CCDC148: variants seen among roughly 807,000 people sequenced by gnomAD.
CCDC148 encodes coiled-coil domain containing 148.
In CCDC148, 89 loss-of-function variants were observed where a neutral mutation model predicts 85.7. The ratio of observed to expected loss-of-function variants is 1.04; its 90% CI spans 0.87 to 1.24. The LOEUF (loss-of-function observed/expected upper bound fraction) is 1.24. Among genes scored for constraint, CCDC148 ranks in the 50% most tolerant of loss-of-function variants. CCDC148 has a pLI of 0.00. For missense variants in CCDC148, 692 were observed against 671.7 expected (o/e 1.03, Z -0.33); for synonymous variants, 230 against 213.9 (o/e 1.08, Z -0.66).
chr2:158,374,206 A>ACTGG (rs1362135687), intron 1 of CCDC148, among the ~76,000 whole-genome samples: 7 of 152,096 alleles, frequency 4.6e-5, no homozygotes, highest in Non-Finnish European at 1.0e-4. Flanking sequence ...AAGTTTCAGC[A>ACTGG]CTGGCTCTAA....
rs1452180706 is a variant in CCDC148, at chr2:158,345,319, C to T, written c.148-1G>A. The T allele has an allele frequency of 2.5e-6, 4 of 1,607,768 alleles. No homozygotes were observed. ...TTGAAGTCAACATTGCTTTTCTGAT[C>T]TAGATTTAGAGGAACAAAAGAGGAG... On this transcript the variant is annotated splice_acceptor_variant, in intron 2 of 13. Coordinates refer to ENST00000283233, the MANE Select transcript of CCDC148 (RefSeq NM_138803.4). LOFTEE classifies it high-confidence loss of function.
At chr2:158,358,004 G>T (rs1424647065) in intron 2 of CCDC148, among the ~76,000 whole-genome samples, 2 of 152,054 alleles carry the variant, frequency 1.3e-5, no homozygotes, top group Non-Finnish European at 2.9e-5. Context: ...TCTAGCCTAG[G>T]TTCACCCTGG....
At chr2:158,289,382 A>T (rs1184109325) in intron 9 of CCDC148, among the ~76,000 whole-genome samples, 1 of 152,228 alleles carries the variant, frequency 6.6e-6, no homozygotes, top group African/African-American at 2.4e-5. Flanking sequence ...GATAAGAAAA[A>T]GTGGGGTAAC....
intron 2 of CCDC148, among the ~76,000 whole-genome samples, chr2:158,353,096 C>T (rs1683411859): frequency 6.6e-6 from 1 of 151,786 alleles, no homozygotes; most frequent in Non-Finnish European, 1.5e-5. Context: ...CGGAAAAGAA[C>T]AACCGGTACC....
intron 1 of CCDC148, among the ~76,000 whole-genome samples, chr2:158,384,121 C>A (rs1208538029): frequency 2.0e-5 from 3 of 152,166 alleles, no homozygotes; most frequent in Non-Finnish European, 4.4e-5. Flanking sequence ...CATTGCATTA[C>A]CTGATTTCCC....
intron 1 of CCDC148, among the ~76,000 whole-genome samples, chr2:158,382,961 A>C (rs1355655159): frequency 6.6e-6 from 1 of 151,776 alleles, no homozygotes; most frequent in Non-Finnish European, 1.5e-5. Context: ...AAAAATCTGA[A>C]TATTTCAATG....
chr2:158,225,937 G>C (rs1412448332), intron 10 of CCDC148, among the ~76,000 whole-genome samples: 8 of 152,110 alleles, frequency 5.3e-5, no homozygotes, highest in African/African-American at 1.9e-4. Flanking sequence ...CTAGCAGAAG[G>C]CAAGAAATAA....
At chr2:158,285,659 T>C (rs575721974) in intron 9 of CCDC148, among the ~76,000 whole-genome samples, 85 of 151,686 alleles carry the variant, frequency 5.6e-4, no homozygotes, top group African/African-American at 2.0e-3. Flanking sequence ...GCCTCCCCAG[T>C]AGCTGGGACT....
At chr2:158,433,969 G>A (rs1012278738) in intron 1 of CCDC148, among the ~76,000 whole-genome samples, 3 of 152,212 alleles carry the variant, frequency 2.0e-5, no homozygotes, top group African/African-American at 7.2e-5. Context: ...AAAAACGGCT[G>A]GAAAGCTCCA....
intron 1 of CCDC148, among the ~76,000 whole-genome samples, chr2:158,411,165 C>A (rs530720583): frequency 1.3e-5 from 2 of 152,120 alleles, no homozygotes; most frequent in South Asian, 4.2e-4. Context: ...CAGAGTAGAC[C>A]TCTTTATGAT....
chr2:158,306,397 T>C (rs906399379), intron 9 of CCDC148, among the ~76,000 whole-genome samples: 1 of 152,058 alleles, frequency 6.6e-6, no homozygotes, highest in Admixed American at 6.5e-5. Flanking sequence ...ATTGCAGCAC[T>C]ATTCACAATA....
intron 9 of CCDC148, among the ~76,000 whole-genome samples, chr2:158,257,575 G>A (rs1357612661): frequency 6.6e-6 from 1 of 151,814 alleles, no homozygotes; most frequent in Non-Finnish European, 1.5e-5. Context: ...CTGCTTAGCA[G>A]AAAAATTTTG....
intron 1 of CCDC148, among the ~76,000 whole-genome samples, chr2:158,386,166 C>T (rs907962420): frequency 1.3e-5 from 2 of 151,992 alleles, no homozygotes; most frequent in African/African-American, 4.8e-5. Flanking sequence ...CAAGAGAGCA[C>T]CTGTTGCATA....
At chr2:158,282,156 C>A in intron 9 of CCDC148, among the ~76,000 whole-genome samples, 1 of 151,796 alleles carries the variant, frequency 6.6e-6, no homozygotes, top group Non-Finnish European at 1.5e-5. Flanking sequence ...CTATGACAAA[C>A]CCACAGTCAA....
chr2:158,244,750 G>A (rs930081497), intron 10 of CCDC148, among the ~76,000 whole-genome samples: 4 of 152,228 alleles, frequency 2.6e-5, no homozygotes, highest in Admixed American at 2.0e-4. Context: ...AATCGTGGGA[G>A]TAAAATCCAC....
At chr2:158,206,541 G>A (rs191882274) in intron 11 of CCDC148, among the ~76,000 whole-genome samples, 1 of 152,324 alleles carries the variant, frequency 6.6e-6, no homozygotes, top group East Asian at 1.9e-4. Flanking sequence ...AATTTACCAT[G>A]CAAATGTAAT....
intron 1 of CCDC148, among the ~76,000 whole-genome samples, chr2:158,399,585 G>A (rs1685682365): frequency 6.6e-6 from 1 of 152,096 alleles, no homozygotes; most frequent in South Asian, 2.1e-4. Flanking sequence ...AGCTTTTCAT[G>A]CTAAAAAACT....
chr2:158,252,867 C>T (rs1688852476), intron 9 of CCDC148, among the ~76,000 whole-genome samples: 1 of 151,734 alleles, frequency 6.6e-6, no homozygotes, highest in Non-Finnish European at 1.5e-5. Flanking sequence ...CTCTTTAAGA[C>T]TTAGCTTTTT....
At chr2:158,211,655 C>T (rs958065264) in intron 11 of CCDC148, among the ~76,000 whole-genome samples, 12 of 152,146 alleles carry the variant, frequency 7.9e-5, no homozygotes, top group African/African-American at 2.2e-4. Flanking sequence ...ACTCAGCAAA[C>T]GACATGCTTC....
Sources: allele counts gnomAD v4.1 joint callset (sites outside exome capture counted in the v4.1 genomes callset), GRCh38; gene constraint gnomAD v4.1.1; transcripts MANE v1.5; gene names NCBI Gene and HGNC (gene_info 2026-07-23, HGNC 2026-07-21).